PPP1R16A: variants seen among roughly 807,000 people sequenced by gnomAD.
PPP1R16A encodes the protein protein phosphatase 1 regulatory subunit 16A, also known as myosin phosphatase-targeting subunit 3.
Under a neutral mutation model 46.6 loss-of-function variants are expected in PPP1R16A, and 39 were observed. The observed-to-expected ratio is 0.84, with a 90% confidence interval of 0.65 to 1.09. The LOEUF (loss-of-function observed/expected upper bound fraction) is 1.09, where lower values mean the gene tolerates loss of function less well. Ranked by LOEUF, PPP1R16A falls within the 50% of genes least tolerant of loss-of-function variation. The probability of loss-of-function intolerance (pLI) is 0.00; values close to 1 mark genes in which losing one functional copy is unlikely to be tolerated. For synonymous variants in PPP1R16A, 413 were observed against 321.5 expected, an observed-to-expected ratio of 1.28 and a Z score of -3.04; for missense variants, 798 against 735.6, an observed-to-expected ratio of 1.08 and a Z score of -0.98.
In PPP1R16A at chr8:144,501,928, C is replaced by G; in HGVS notation, c.*25C>G. On this transcript the variant is annotated 3_prime_UTR_variant, in exon 12 of 12. Transcript: ENST00000435887. ...AGGCTGTTGCTCAGCATGCAGGGGC[C>G]CTGTCGCGGGCACAGCCCAAGGCTG... 6.7e-7 allele frequency: 1 copy of G among 1,491,904 alleles called. No homozygotes were observed. The highest frequency in any genetic ancestry group is 8.9e-7 in the Non-Finnish European group (1 of 1,121,926). The allele number at this position is 1,491,904 out of a possible 1,614,324, so 92.4% of individuals were successfully genotyped here.
intron 10 of PPP1R16A, 46 bp downstream of exon 10, chr8:144,501,017 G>T: frequency 6.8e-7 from 1 of 1,463,772 alleles, no homozygotes; most frequent in Non-Finnish European, 9.0e-7. Context: ...TGGCCCCGCG[G>T]ACGTCAGCCC....
rs577835978 is a variant in PPP1R16A, at chr8:144,501,000, C to G, written c.1037+29C>G. On this transcript the variant is annotated intron_variant, in intron 10 of 11. Coordinates refer to ENST00000435887, the MANE Select transcript of PPP1R16A (RefSeq NM_001329443.2). ...AGCGCCGCCCCCAGCAGGCCCCGCC[C>G]CGGGCTTGGCCCCGCGGACGTCAGC... is the stretch of plus-strand genomic sequence containing the variant. 14 of 1,437,168 alleles carry G rather than the reference C, an allele frequency of 9.7e-6. No homozygotes were observed. The African/African-American group carries it at 1.5e-4, about 15-fold the overall frequency. 89.0% of individuals were successfully genotyped at this position (1,437,168 alleles called of 1,614,324 possible).
Position 144,486,510 on chromosome 8 carries a change from C to T in PPP1R16A, c.-913-3524C>T, listed in dbSNP as rs149683015. Among the ~76,000 whole-genome samples, 520 of 152,320 alleles carry T rather than the reference C, an allele frequency of 3.4e-3. 1 individual carries two copies. The highest frequency in any genetic ancestry group is 6.2e-3 in the African/African-American group (259 of 41,560). Reference sequence around the variant, plus strand: ...GTTTTATTTCACAGGTTTTCATCAGCTCCTGTGAGATTCCTTTGTCCTCAC... The same window carrying T: ...GTTTTATTTCACAGGTTTTCATCAGTTCCTGTGAGATTCCTTTGTCCTCAC... On this transcript the variant is annotated intron_variant, in intron 1 of 11. Coordinates refer to ENST00000435887, the MANE Select transcript of PPP1R16A (RefSeq NM_001329443.2).
At chr8:144,498,269 CCTGGGCGAGAG>C in intron 3 of PPP1R16A, 2 of 358,538 alleles carry the variant, frequency 5.6e-6, no homozygotes, top group South Asian at 4.0e-5. Flanking sequence ...ACCCTGGTGA[CCTGGGCGAGAG>C]CTGGGCCCGA....
intron 2 of PPP1R16A, among the ~76,000 whole-genome samples, chr8:144,491,762 CAAAAAAAAAA>C (rs549819147): frequency 2.4e-5 from 2 of 83,788 alleles, no homozygotes; most frequent in African/African-American, 8.7e-5. Flanking sequence ...GACTCTGTTT[CAAAAAAAAAA>C]AAAAAAAAAG....
intron 1 of PPP1R16A, among the ~76,000 whole-genome samples, chr8:144,482,674 T>TTG (rs1825479005): frequency 6.8e-6 from 1 of 147,102 alleles, no homozygotes; most frequent in African/African-American, 2.6e-5. Flanking sequence ...TTTTTTTTTT[T>TTG]GGGACAGTCT....
chr8:144,482,433 G>C (rs1004113969), intron 1 of PPP1R16A, among the ~76,000 whole-genome samples: 3 of 151,716 alleles, frequency 2.0e-5, no homozygotes, highest in South Asian at 4.2e-4. Flanking sequence ...TGTTGCTCAG[G>C]CTGGAGTGCA....
At chr8:144,492,533 T>TC (rs1419814854) in intron 2 of PPP1R16A, among the ~76,000 whole-genome samples, 3 of 151,974 alleles carry the variant, frequency 2.0e-5, no homozygotes, top group African/African-American at 7.2e-5. Flanking sequence ...GATGGGGTTT[T>TC]ACCTTGTTAG....
intron 1 of PPP1R16A, among the ~76,000 whole-genome samples, chr8:144,484,669 C>T (rs1426385414): frequency 1.3e-5 from 2 of 152,180 alleles, no homozygotes; most frequent in Non-Finnish European, 2.9e-5. Context: ...CAACGCTTCC[C>T]CTGGTTTCTG....
At chr8:144,495,478 C>G (rs1826011479) in intron 2 of PPP1R16A, 1 of 152,290 alleles carries the variant, frequency 6.6e-6, no homozygotes, top group Admixed American at 6.5e-5. Flanking sequence ...CTCTGTCACC[C>G]AGGCTGGAGT....
In PPP1R16A at chr8:144,501,267, C is replaced by T; in HGVS notation, c.1176C>T (p.Gly392=). Residue 392 remains glycine, a synonymous_variant, in exon 11 of 12, where the codon GGC becomes GGT. Transcript: ENST00000435887. The part of the protein sequence containing the change: ...PPEDNDDRQT[G]AELRPPPPEE... Reference sequence around the variant, plus strand: ...AGGACAACGATGACCGCCAGACAGGCGCAGAGCTCAGGCCGCCGCCCCCGG... The same window carrying T: ...AGGACAACGATGACCGCCAGACAGGTGCAGAGCTCAGGCCGCCGCCCCCGG... The T allele has an allele frequency of 1.3e-6, 2 of 1,599,606 alleles. No homozygotes were observed. Among genetic ancestry groups the T allele is most frequent in the Non-Finnish European group, 1.7e-6 (2 of 1,177,242 alleles).
At chr8:144,482,908 AG>A (rs973731929) in intron 1 of PPP1R16A, among the ~76,000 whole-genome samples, 5 of 152,084 alleles carry the variant, frequency 3.3e-5, no homozygotes, top group African/African-American at 1.2e-4. Context: ...AGCCTCCCAA[AG>A]TGCTGGGATT....
At chr8:144,491,377 G>A (rs1825806333) in intron 2 of PPP1R16A, among the ~76,000 whole-genome samples, 1 of 152,060 alleles carries the variant, frequency 6.6e-6, no homozygotes, top group South Asian at 2.1e-4. Context: ...ATTTTGGGAG[G>A]CCAAGGCATA....
At position 144,500,921 on chromosome 8, in the gene PPP1R16A, C is replaced by T; in HGVS notation, c.987C>T (p.Ser329=). 6.5e-7 allele frequency: 1 copy of T among 1,528,258 alleles called. No homozygotes were observed. The highest frequency in any genetic ancestry group is 8.8e-7 in the Non-Finnish European group (1 of 1,141,390). 94.7% of individuals were successfully genotyped at this position (1,528,258 alleles called of 1,614,324 possible). Residue 329 remains serine (S), a synonymous_variant, in exon 10 of 12, where the codon AGC becomes AGT. Transcript: ENST00000435887. ...HKHDALLRAQ[S]RQRSLLRRRT... ...ACGACGCCCTCCTGCGCGCCCAGAGCCGCCAGCGCTCCTTGCTGCGCCGCC... is the reference window on the plus strand; with the variant it reads ...ACGACGCCCTCCTGCGCGCCCAGAGTCGCCAGCGCTCCTTGCTGCGCCGCC...
intron 1 of PPP1R16A, among the ~76,000 whole-genome samples, chr8:144,479,835 C>T (rs1179782955): frequency 6.6e-6 from 1 of 152,174 alleles, no homozygotes; most frequent in Admixed American, 6.6e-5. Flanking sequence ...TGCACGCACA[C>T]CTAAAGGGAG....
Position 144,498,996 on chromosome 8 carries a change from C to G in PPP1R16A, c.411C>G (p.Cys137Trp), listed in dbSNP as rs756448873. 8 of 1,608,824 alleles carry G rather than the reference C, an allele frequency of 5.0e-6. No homozygotes were observed. The highest frequency in any genetic ancestry group is 6.8e-6 in the Non-Finnish European group (8 of 1,177,584). ...GANINACDSE[C>W]WTPLHAAATC... ...ACATCAATGCCTGTGACAGTGAGTG[C>G]TGGACGCCTCTGCATGCTGCGGCCA... Residue 137 changes from cysteine (C) to tryptophan (W), a missense_variant, in exon 5 of 12, where the codon TGC (cysteine) becomes TGG (tryptophan). By Grantham distance (215) the Cys-to-Trp change is radical. Coordinates refer to ENST00000435887, the MANE Select transcript of PPP1R16A (RefSeq NM_001329443.2).
At position 144,482,955 on chromosome 8, in the gene PPP1R16A, G is replaced by A. The variant is rs569505856; in HGVS notation, c.-914+4828G>A. Among the ~76,000 whole-genome samples the A allele has an allele frequency of 2.0e-5, 3 of 150,086 alleles. No homozygotes were observed. The South Asian group carries it at 6.3e-4, about 32-fold the overall frequency. On this transcript the variant is annotated intron_variant, in intron 1 of 11. Transcript: ENST00000435887. ...GCCACCGCGCCCGGCTTATTTTTTT[G>A]TATTTTTAGTAGAGACGGGTTTTTG...
chr8:144,501,149 G>A lies in PPP1R16A; in HGVS notation c.1058G>A (p.Ser353Asn), dbSNP rs1246315003. ...GSRGKVVRRV[S>N]LTQRTDLYRK... ...CCCAGGAAGGTGGTGAGGCGGGTGA[G>A]CCTAACCCAGCGCACCGACCTGTAC... Residue 353 changes from serine (S) to asparagine (N), a missense_variant, in exon 11 of 12, where the codon AGC becomes AAC. Ser to Asn is a conservative substitution (Grantham distance 46, BLOSUM62 1). Coordinates refer to ENST00000435887, the MANE Select transcript of PPP1R16A (RefSeq NM_001329443.2). 6 of 1,610,766 alleles carry A rather than the reference G, an allele frequency of 3.7e-6. No individual in the cohort carries two copies. Among genetic ancestry groups the A allele is most frequent in the Non-Finnish European group, 5.1e-6 (6 of 1,179,644 alleles).
chr8:144,501,403 G>A (rs1230200585), intron 11 of PPP1R16A, 109 bp downstream of exon 11: 30 of 1,482,508 alleles, frequency 2.0e-5, no homozygotes, highest in Non-Finnish European at 2.7e-5. Flanking sequence ...GTGCCCTGCA[G>A]GGGCCAGCTT....
Sources: allele counts gnomAD v4.1 joint callset (sites outside exome capture counted in the v4.1 genomes callset), GRCh38; gene constraint gnomAD v4.1.1; transcripts MANE v1.5; gene names NCBI Gene and HGNC (gene_info 2026-07-23, HGNC 2026-07-21).